Variants in ASTN1 observed in about 807,000 individuals in gnomAD.
ASTN1 encodes the protein astrotactin-1.
A neutral mutation model predicts 140.7 loss-of-function variants in ASTN1; 41 were observed. The ratio of observed to expected loss-of-function variants is 0.29; its 90% confidence interval spans 0.23 to 0.38. ASTN1 has a LOEUF of 0.38. ASTN1 is among the 10% of genes least tolerant of loss of function. The pLI is 1.00. For synonymous variants in ASTN1, 640 were observed against 652.2 expected, an observed-to-expected ratio of 0.98 and a Z score of 0.29; for missense variants, 1,479 against 1,678.8, an observed-to-expected ratio of 0.88 and a Z score of 2.08.
chr1:177,105,240 A>G (rs1227076997), intron 1 of ASTN1, among the ~76,000 whole-genome samples: 1 of 152,192 alleles, frequency 6.6e-6, no homozygotes, highest in Non-Finnish European at 1.5e-5. Flanking sequence ...GATACTTGGT[A>G]GTAATTACCT....
At chr1:176,977,422 G>A (rs756847170) in intron 8 of ASTN1, among the ~76,000 whole-genome samples, 6 of 152,138 alleles carry the variant, frequency 3.9e-5, no homozygotes, top group African/African-American at 7.2e-5. Context: ...TGTCATTAAC[G>A]CACTGATTCA....
intron 1 of ASTN1, among the ~76,000 whole-genome samples, chr1:177,163,692 C>T (rs1173172653): frequency 1.3e-5 from 2 of 152,194 alleles, no homozygotes; most frequent in African/African-American, 4.8e-5. Flanking sequence ...GAGACCAATA[C>T]TAACAGACTA....
chr1:177,011,926 T>C (rs1675315963), intron 8 of ASTN1, among the ~76,000 whole-genome samples: 1 of 152,234 alleles, frequency 6.6e-6, no homozygotes, highest in Non-Finnish European at 1.5e-5. Context: ...TTTCTCCTGG[T>C]ACATTGACCT....
intron 14 of ASTN1, among the ~76,000 whole-genome samples, chr1:176,939,396 C>G (rs7548300): frequency 6.6e-6 from 1 of 152,090 alleles, no homozygotes; most frequent in Admixed American, 6.5e-5. Context: ...GCCAAACAAC[C>G]GAACTCCATT....
rs113334841 is a variant in ASTN1, at chr1:176,970,587, G to A, written c.1524-5350C>T. Reference sequence around the variant, plus strand: ...GGTAGGTAGGTAGGTAGGTAGGTAGGTAGATAGATAGATAGATAGACAGAC... The same window carrying A: ...GGTAGGTAGGTAGGTAGGTAGGTAGATAGATAGATAGATAGATAGACAGAC... On this transcript the variant is annotated intron_variant, in intron 8 of 22. Transcript: ENST00000361833. 2.9e-3 allele frequency among the ~76,000 whole-genome samples: 437 copies of A among 148,720 alleles called. 4 individuals carry two copies. The highest frequency in any genetic ancestry group is 0.011 in the African/African-American group (418 of 38,724).
chr1:177,007,136 T>C (rs1365808608), intron 8 of ASTN1, among the ~76,000 whole-genome samples: 2 of 152,076 alleles, frequency 1.3e-5, no homozygotes, highest in Admixed American at 6.6e-5. Context: ...TTCACGCTTG[T>C]AATCTCAGCC....
intron 8 of ASTN1, among the ~76,000 whole-genome samples, chr1:177,014,190 C>A (rs1675430674): frequency 6.6e-6 from 1 of 152,002 alleles, no homozygotes; most frequent in Admixed American, 6.6e-5. Context: ...ATAAAACATT[C>A]CAAAATGTAA....
chr1:176,857,550 T>A, downstream of ASTN1: 2 of 496,192 alleles, frequency 4.0e-6, no homozygotes, highest in Non-Finnish European at 7.3e-6. Flanking sequence ...ATGCTGGAGA[T>A]GCCATCTGAG....
chr1:176,940,865 G>T (rs1361399922), intron 14 of ASTN1, among the ~76,000 whole-genome samples: 1 of 152,192 alleles, frequency 6.6e-6, no homozygotes, highest in Non-Finnish European at 1.5e-5. Flanking sequence ...CTCGGGAATT[G>T]CTGGCTTAAA....
At chr1:177,142,349 T>A (rs7524893) in intron 1 of ASTN1, among the ~76,000 whole-genome samples, 23,440 of 151,802 alleles carry the variant, frequency 0.15, 3,632 homozygotes, top group African/African-American at 0.4. Flanking sequence ...AATCTAAAAA[T>A]AAAGTGTTAA....
At chr1:176,902,444 T>G (rs1669809363) in intron 16 of ASTN1, among the ~76,000 whole-genome samples, 1 of 56,876 alleles carries the variant, frequency 1.8e-5, no homozygotes, top group Admixed American at 1.5e-4. Context: ...GGTGGTATTT[T>G]CTGAAGATTT....
At chr1:176,884,200 G>T in intron 19 of ASTN1, 139 bp downstream of exon 19, 1 of 969,418 alleles carries the variant, frequency 1.0e-6, no homozygotes, top group Non-Finnish European at 1.5e-6. Flanking sequence ...AAGAAGAACA[G>T]CTTCTTCTTC....
Position 176,987,948 on chromosome 1 carries a change from A to G in ASTN1, c.1524-22711T>C, listed in dbSNP as rs192184520. Among the ~76,000 whole-genome samples, 277 of 152,310 alleles carry G rather than the reference A, an allele frequency of 1.8e-3. 3 individuals carry two copies. Among genetic ancestry groups the G allele is most frequent in the African/African-American group, 6.1e-3 (253 of 41,580 alleles). ...CAGAGGATAGGGTAATTTGGGGGCA[A>G]TTATGGAGAATAACCCCAAAGTTTC... On this transcript the variant is annotated intron_variant, in intron 8 of 22. Coordinates refer to ENST00000361833, the MANE Select transcript of ASTN1 (RefSeq NM_004319.3).
intron 1 of ASTN1, among the ~76,000 whole-genome samples, chr1:177,117,527 T>C (rs1262713766): frequency 6.6e-6 from 1 of 152,178 alleles, no homozygotes; most frequent in Non-Finnish European, 1.5e-5. Flanking sequence ...TAGCGGAACT[T>C]AAGTTCTGCT....
intron 1 of ASTN1, among the ~76,000 whole-genome samples, chr1:177,142,072 C>T (rs1053976068): frequency 6.6e-6 from 1 of 152,186 alleles, no homozygotes; most frequent in Non-Finnish European, 1.5e-5. Flanking sequence ...AGAAAAACTA[C>T]AGGGAACTAC....
chr1:177,099,914 T>C (rs1558094535), intron 1 of ASTN1, among the ~76,000 whole-genome samples: 2 of 152,190 alleles, frequency 1.3e-5, no homozygotes, highest in East Asian at 3.9e-4. Context: ...CATTGATGTA[T>C]CAAAACCGCT....
intron 16 of ASTN1, among the ~76,000 whole-genome samples, chr1:176,897,858 G>A (rs1557943962): frequency 6.6e-6 from 1 of 152,096 alleles, no homozygotes; most frequent in Non-Finnish European, 1.5e-5. Context: ...GAAGTAATAT[G>A]CCACCAGTGC....
intron 17 of ASTN1, among the ~76,000 whole-genome samples, chr1:176,891,391 G>A (rs767235752): frequency 6.6e-6 from 1 of 152,170 alleles, no homozygotes; most frequent in Non-Finnish European, 1.5e-5. Context: ...CTATGCATCA[G>A]CCACTTGCTA....
chr1:177,035,685 C>T (rs546563446), intron 2 of ASTN1, among the ~76,000 whole-genome samples: 2 of 152,296 alleles, frequency 1.3e-5, no homozygotes, highest in Admixed American at 6.5e-5. Flanking sequence ...GGACCCATTG[C>T]ATATCTATCT....
Sources: gnomAD v4.1 joint callset for allele counts (sites outside exome capture counted in the v4.1 genomes callset) on GRCh38, gnomAD v4.1.1 for gene constraint, MANE v1.5 for transcripts, NCBI Gene and HGNC (gene_info 2026-07-23, HGNC 2026-07-21) for gene names.